SYT16: variants seen among roughly 807,000 people sequenced by gnomAD.
The protein encoded by SYT16 is synaptotagmin 16, also known as synaptotagmin-16.
In SYT16, 42 loss-of-function variants were observed where a neutral mutation model predicts 61.4. That is an observed-to-expected ratio of 0.68 (90% CI 0.53 to 0.89). The LOEUF is 0.89. SYT16 is among the 40% of genes least tolerant of loss of function. The pLI is 0.00. For missense variants in SYT16, 804 were observed against 807.3 expected (o/e 1.00, Z 0.05); for synonymous variants, 314 against 302.3 (o/e 1.04, Z -0.40).
intron 1 of SYT16, among the ~76,000 whole-genome samples, chr14:61,846,483 C>A (rs987178888): frequency 6.6e-6 from 1 of 152,136 alleles, no homozygotes; most frequent in Admixed American, 6.5e-5. Flanking sequence ...GTGATTCCTG[C>A]TCTTTTTCAG....
rs187787426 is a variant in SYT16 at position 61,960,306 on chromosome 14, A to C, written c.-324-9826A>C. On this transcript the variant is annotated intron_variant, in intron 1 of 7. Coordinates refer to ENST00000683842, the MANE Select transcript of SYT16 (RefSeq NM_001367656.1). ...TTGCTTTGGGCAGTATGTCCATTTA[A>C]AAAATATTGATTCTTCCTACCCATG... is the stretch of plus-strand genomic sequence containing the variant. Among the ~76,000 whole-genome samples, 20 of 152,256 alleles carry C rather than the reference A, an allele frequency of 1.3e-4. 1 individual carries two copies. In the East Asian group the frequency reaches 3.1e-3, roughly 24 times the overall value.
intron 1 of SYT16, among the ~76,000 whole-genome samples, chr14:61,916,677 G>A (rs217640): frequency 0.53 from 80,107 of 151,926 alleles, 23,735 homozygotes; most frequent in African/African-American, 0.81. Context: ...ATCGAACAGT[G>A]GAACCTATTC....
At position 62,108,273 on chromosome 14, in the gene SYT16, A is replaced by T. The variant is rs572296842; in HGVS notation, c.*7566A>T. On this transcript the variant is annotated 3_prime_UTR_variant, in exon 8 of 8. Transcript: ENST00000683842. ...GTCTTAGTCCACGCAAATTAACTCA[A>T]AATCTTTGGTGGCCTGAAAATTCTG... 9.8e-5 allele frequency: 15 copies of T among 152,330 alleles called. No individual in the cohort carries two copies. The highest frequency in any genetic ancestry group is 3.4e-4 in the African/African-American group (14 of 41,566). The allele number at this position is 152,330 out of a possible 1,614,324, so 9.4% of individuals were successfully genotyped here. A position where few individuals can be genotyped will look rare whatever the true frequency, so the allele number is the denominator to read the frequency against.
rs1346371171 is a variant in SYT16, at chr14:62,103,161, C to A, written c.*2454C>A. On this transcript the variant is annotated 3_prime_UTR_variant, in exon 8 of 8. Transcript: ENST00000683842. ...ATTTGAAATTCTAGTTTAGTAAGATCTTTTGATTTTGTGCACTTAAACTCC... is the reference window on the plus strand; with the variant it reads ...ATTTGAAATTCTAGTTTAGTAAGATATTTTGATTTTGTGCACTTAAACTCC... The A allele has an allele frequency of 6.6e-6, 1 of 152,020 alleles. No homozygotes were observed. The highest frequency in any genetic ancestry group is 2.4e-5 in the African/African-American group (1 of 41,400). 9.4% of individuals were successfully genotyped at this position (152,020 alleles called of 1,614,324 possible). A position where few individuals can be genotyped will look rare whatever the true frequency, so the allele number is the denominator to read the frequency against.
At chr14:61,812,248 A>T (rs2045295197), upstream of SYT16, 1 of 152,422 alleles carries the variant, frequency 6.6e-6, no homozygotes, top group Non-Finnish European at 1.5e-5. Context: ...CACCTGGCTC[A>T]TCCTCCCCAC....
At chr14:62,096,246 C>G (rs2057270814) in intron 7 of SYT16, among the ~76,000 whole-genome samples, 1 of 152,008 alleles carries the variant, frequency 6.6e-6, no homozygotes, top group Non-Finnish European at 1.5e-5. Flanking sequence ...TGTACTGCAA[C>G]TGACTATAAA....
chr14:62,058,481 G>A (rs559480836), intron 3 of SYT16, among the ~76,000 whole-genome samples: 5 of 151,186 alleles, frequency 3.3e-5, no homozygotes, highest in South Asian at 2.1e-4. Context: ...CTCCTGCCTC[G>A]GCCTCCTGAG....
intron 1 of SYT16, among the ~76,000 whole-genome samples, chr14:61,945,508 G>A (rs1452263906): frequency 3.3e-5 from 5 of 152,164 alleles, no homozygotes; most frequent in African/African-American, 7.2e-5. Context: ...ATGATAGACT[G>A]GATAAAGAAA....
intron 1 of SYT16, among the ~76,000 whole-genome samples, chr14:61,924,989 C>G (rs563073928): frequency 1.3e-5 from 2 of 152,322 alleles, no homozygotes; most frequent in African/African-American, 4.8e-5. Context: ...TCAAAGTTGC[C>G]TATAAAACGT....
At chr14:61,926,565 C>T (rs955537743) in intron 1 of SYT16, among the ~76,000 whole-genome samples, 2 of 152,124 alleles carry the variant, frequency 1.3e-5, no homozygotes, top group Admixed American at 1.3e-4. Flanking sequence ...GGAAGGACAG[C>T]ACCTTGGACT....
At chr14:62,061,651 G>T (rs1212877371) in intron 3 of SYT16, among the ~76,000 whole-genome samples, 1 of 152,122 alleles carries the variant, frequency 6.6e-6, no homozygotes, top group Admixed American at 6.5e-5. Flanking sequence ...GAAAAAGAAA[G>T]AAGTATGTTT....
At chr14:62,033,046 G>C (rs1010864551) in intron 3 of SYT16, among the ~76,000 whole-genome samples, 4 of 151,210 alleles carry the variant, frequency 2.6e-5, no homozygotes, top group African/African-American at 7.3e-5. Context: ...CTGAAGTTCA[G>C]TTAGCATACT....
At chr14:62,075,534 A>T (rs2056457866) in intron 5 of SYT16, 143 bp downstream of exon 5, 2 of 871,816 alleles carry the variant, frequency 2.3e-6, no homozygotes, top group Non-Finnish European at 3.2e-6. Flanking sequence ...TGTCCAGATG[A>T]CCAAAATCCC....
At chr14:62,098,516 G>A (rs1043311007) in intron 7 of SYT16, among the ~76,000 whole-genome samples, 4 of 152,138 alleles carry the variant, frequency 2.6e-5, no homozygotes, top group Admixed American at 2.0e-4. Flanking sequence ...CTATATTGAC[G>A]CTAGTCACTG....
intron 1 of SYT16, chr14:61,865,196 T>C: frequency 1.8e-6 from 2 of 1,131,816 alleles, no homozygotes; most frequent in Non-Finnish European, 2.7e-6. Context: ...TGTCACTGAC[T>C]ATAAGCGACT....
chr14:62,003,928 C>T (rs903712615), intron 3 of SYT16, among the ~76,000 whole-genome samples: 15 of 152,120 alleles, frequency 9.9e-5, no homozygotes, highest in African/African-American at 3.6e-4. Flanking sequence ...AGGAGAAAGG[C>T]ATTCCACCTG....
At position 62,104,421 on chromosome 14, in the gene SYT16, G is replaced by A. The variant is rs931704576; in HGVS notation, c.*3714G>A. On this transcript the variant is annotated 3_prime_UTR_variant, in exon 8 of 8. Transcript: ENST00000683842. ...GCAAATGATGGATAATCCTGAAATG[G>A]TAAAAGTATTTTTGTCTTAAAAATT... 6.6e-6 allele frequency: 1 copy of A among 152,122 alleles called. No homozygotes were observed. Among genetic ancestry groups the A allele is most frequent in the African/African-American group, 2.4e-5 (1 of 41,434 alleles). 9.4% of individuals were successfully genotyped at this position (152,122 alleles called of 1,614,324 possible).
chr14:62,096,111 A>G (rs1187312104), intron 7 of SYT16, among the ~76,000 whole-genome samples: 1 of 152,106 alleles, frequency 6.6e-6, no homozygotes, highest in Non-Finnish European at 1.5e-5. Context: ...CAAGTGTGAA[A>G]AACAAGATCT....
At chr14:62,051,491 C>G (rs188999200) in intron 3 of SYT16, among the ~76,000 whole-genome samples, 56 of 152,310 alleles carry the variant, frequency 3.7e-4, no homozygotes, top group Admixed American at 3.3e-4. Flanking sequence ...CACCCACTGT[C>G]TGGCACTACC....
Sources: gnomAD v4.1 joint callset for allele counts (sites outside exome capture counted in the v4.1 genomes callset) on GRCh38, gnomAD v4.1.1 for gene constraint, MANE v1.5 for transcripts, NCBI Gene and HGNC (gene_info 2026-07-23, HGNC 2026-07-21) for gene names.